MS4A12: variants seen among roughly 807,000 people sequenced by gnomAD.
MS4A12 encodes the protein membrane-spanning 4-domains subfamily A member 12.
MS4A12 carries 28 observed loss-of-function variants against 23.7 expected under a neutral mutation model. That is an observed-to-expected ratio of 1.18 (90% CI 0.88 to 1.62). The LOEUF (loss-of-function observed/expected upper bound fraction) is 1.62, where lower values mean the gene tolerates loss of function less well. Ranked by LOEUF, MS4A12 falls within the 40% of genes most tolerant of loss-of-function variation. The probability of loss-of-function intolerance (pLI) is 0.00; values close to 1 mark genes in which losing one functional copy is unlikely to be tolerated. For synonymous variants in MS4A12, 108 were observed against 110.1 expected (o/e 0.98, Z 0.12); for missense variants, 342 against 327.0 (o/e 1.05, Z -0.35).
rs546836504 is a variant in MS4A12 at position 60,501,142 on chromosome 11, C to G, written c.374C>G (p.Thr125Ser). 8 of 1,613,228 alleles carry G rather than the reference C, an allele frequency of 5.0e-6. No homozygotes were observed. The African/African-American group carries it at 9.3e-5, about 19-fold the overall frequency. Residue 125 changes from threonine to serine, a missense_variant, in exon 3 of 7, where the codon ACT becomes AGT. Thr to Ser is a moderately conservative substitution (Grantham distance 58, BLOSUM62 1). Transcript: ENST00000016913. ...AGAGAAGTATTAGGTTTTGCCTCTA[C>G]TGCTGTTATTGGTGGATACCCATTC... The part of the protein sequence containing the change: ...SFREVLGFAS[T>S]AVIGGYPFWG...
chr11:60,497,595 G>T lies in MS4A12; in HGVS notation c.276+1G>T. 6.2e-7 allele frequency: 1 copy of T among 1,613,736 alleles called. No homozygotes were observed. Among genetic ancestry groups the T allele is most frequent in the Non-Finnish European group, 8.5e-7 (1 of 1,179,686 alleles). On this transcript the variant is annotated splice_donor_variant, in intron 2 of 6. Transcript: ENST00000016913. LOFTEE classifies it high-confidence loss of function. ...TAAAGAAGAAGCAAAGGCACTAGGG[G>T]TAAGTCTATTTACTACCAGAATTTT...
intron 5 of MS4A12, among the ~76,000 whole-genome samples, chr11:60,505,343 G>A (rs528828494): frequency 6.6e-6 from 1 of 152,102 alleles, no homozygotes; most frequent in East Asian, 1.9e-4. Context: ...CTCCCACCAG[G>A]TTCCTCCCAC....
At chr11:60,499,060 C>T (rs538651800) in intron 2 of MS4A12, among the ~76,000 whole-genome samples, 4 of 152,256 alleles carry the variant, frequency 2.6e-5, no homozygotes, top group African/African-American at 4.8e-5. Flanking sequence ...ACCGAAGAGG[C>T]GTGTGATAAA....
chr11:60,498,371 T>G (rs901050708), intron 2 of MS4A12, among the ~76,000 whole-genome samples: 1 of 152,230 alleles, frequency 6.6e-6, no homozygotes, highest in Non-Finnish European at 1.5e-5. Context: ...TCTTACTATG[T>G]ATTTCAAGTT....
chr11:60,498,698 A>G (rs572121896), intron 2 of MS4A12, among the ~76,000 whole-genome samples: 2 of 152,332 alleles, frequency 1.3e-5, no homozygotes, highest in African/African-American at 4.8e-5. Context: ...CAAAACAAAG[A>G]AGTGTAAAAG....
intron 1 of MS4A12, chr11:60,493,063 G>A (rs1005195343): frequency 2.6e-5 from 4 of 151,928 alleles, no homozygotes; most frequent in East Asian, 1.9e-4. Flanking sequence ...GAGATAAAAC[G>A]GACTGCAAAA....
At chr11:60,495,638 C>T (rs1334193728) in intron 1 of MS4A12, among the ~76,000 whole-genome samples, 10 of 152,036 alleles carry the variant, frequency 6.6e-5, no homozygotes, top group Non-Finnish European at 1.0e-4. Flanking sequence ...AGACAGAAAA[C>T]AAAGGCAAAG....
chr11:60,505,784 C>T (rs1188754075), intron 5 of MS4A12, among the ~76,000 whole-genome samples: 1 of 152,042 alleles, frequency 6.6e-6, no homozygotes, highest in Non-Finnish European at 1.5e-5. Flanking sequence ...ATGAGTAGTA[C>T]CCAGGACCTC....
rs777203935 is a variant in MS4A12 at position 60,497,563 on chromosome 11, T to A, written c.245T>A (p.Met82Lys). The part of the protein sequence containing the change: ...MINPSVGTAV[M>K]NFKEEAKALG... ...AATCCAAGTGTGGGAACAGCAGTAA[T>A]GAACTTTAAAGAAGAAGCAAAGGCA... Residue 82 changes from methionine to lysine, a missense_variant, in exon 2 of 7, where the codon ATG becomes AAG. Transcript: ENST00000016913. 1 of 1,614,172 alleles carries A rather than the reference T, an allele frequency of 6.2e-7. No homozygotes were observed. The highest frequency in any genetic ancestry group is 2.2e-5 in the East Asian group (1 of 44,896).
At chr11:60,497,773 A>T (rs991539279) in intron 2 of MS4A12, 179 bp downstream of exon 2, 3 of 709,006 alleles carry the variant, frequency 4.2e-6, no homozygotes, top group African/African-American at 3.6e-5. Context: ...TTTTAGATCA[A>T]GCAAAAATAT....
chr11:60,504,546 G>A (rs1395861721), intron 5 of MS4A12, among the ~76,000 whole-genome samples: 1 of 152,096 alleles, frequency 6.6e-6, no homozygotes, highest in African/African-American at 2.4e-5. Flanking sequence ...TGTTGGGGTT[G>A]GTTTTGCTTT....
intron 1 of MS4A12, among the ~76,000 whole-genome samples, chr11:60,493,926 A>G (rs904916184): frequency 6.6e-6 from 1 of 152,206 alleles, no homozygotes. Flanking sequence ...TCAGAGCTCC[A>G]ATATTTTTAT....
At chr11:60,497,192 C>T (rs1490603621) in intron 1 of MS4A12, 121 bp from the exon 2 acceptor site, 16 of 1,138,860 alleles carry the variant, frequency 1.4e-5, no homozygotes, top group Non-Finnish European at 1.2e-6. Context: ...TGTTATGGCC[C>T]ATTATCTGCT....
chr11:60,501,416 A>G (rs1420679841), intron 3 of MS4A12, among the ~76,000 whole-genome samples: 2 of 152,250 alleles, frequency 1.3e-5, no homozygotes, highest in African/African-American at 2.4e-5. Flanking sequence ...CATTTTACCT[A>G]GGAGCTTATT....
intron 2 of MS4A12, 78 bp from the exon 3 acceptor site, chr11:60,500,967 C>A: frequency 6.9e-7 from 1 of 1,456,768 alleles, no homozygotes; most frequent in Non-Finnish European, 9.2e-7. Flanking sequence ...AATAAATAAG[C>A]AGGGGCAGCA....
chr11:60,498,894 G>A (rs2086509923), intron 2 of MS4A12, among the ~76,000 whole-genome samples: 1 of 152,132 alleles, frequency 6.6e-6, no homozygotes, highest in African/African-American at 2.4e-5. Flanking sequence ...TGAAGAACCG[G>A]GAGGAGGCCA....
intron 5 of MS4A12, among the ~76,000 whole-genome samples, chr11:60,506,025 A>G (rs2086567332): frequency 6.6e-6 from 1 of 152,204 alleles, no homozygotes; most frequent in Admixed American, 6.5e-5. Flanking sequence ...TGCAACAGCT[A>G]TATATGTTCA....
chr11:60,498,969 C>T (rs1471586856), intron 2 of MS4A12, among the ~76,000 whole-genome samples: 1 of 152,192 alleles, frequency 6.6e-6, no homozygotes, highest in Non-Finnish European at 1.5e-5. Context: ...GTGGCAGAGG[C>T]CACAGGTGGT....
intron 4 of MS4A12, among the ~76,000 whole-genome samples, chr11:60,502,658 A>G (rs2086540079): frequency 6.6e-6 from 1 of 152,208 alleles, no homozygotes; most frequent in South Asian, 2.1e-4. Context: ...TGATTTATCA[A>G]GAACTAGAGT....
Sources: gnomAD v4.1 joint callset for allele counts (sites outside exome capture counted in the v4.1 genomes callset) on GRCh38, gnomAD v4.1.1 for gene constraint, MANE v1.5 for transcripts, NCBI Gene and HGNC (gene_info 2026-07-23, HGNC 2026-07-21) for gene names.